ADGRL3: variants seen among roughly 807,000 people sequenced by gnomAD.
The protein encoded by ADGRL3 is adhesion G protein-coupled receptor L3.
ADGRL3 carries 62 observed loss-of-function variants against 153.5 expected under a neutral mutation model. That is an observed-to-expected ratio of 0.40 (90% confidence interval 0.33 to 0.50). The LOEUF (loss-of-function observed/expected upper bound fraction) is 0.50. Ranked by LOEUF, ADGRL3 falls within the 20% of genes least tolerant of loss-of-function variation. The pLI, the probability that ADGRL3 is intolerant of heterozygous loss-of-function variation, is 0.47. For missense variants in ADGRL3, 1,641 were observed against 1,859.4 expected, an observed-to-expected ratio of 0.88 and a Z score of 2.16; for synonymous variants, 710 against 672.5, an observed-to-expected ratio of 1.06 and a Z score of -0.86.
intron 1 of ADGRL3, among the ~76,000 whole-genome samples, chr4:61,259,626 G>A (rs1425365110): frequency 1.3e-5 from 2 of 152,018 alleles, no homozygotes; most frequent in Non-Finnish European, 2.9e-5. Flanking sequence ...TGAACAGCAC[G>A]TCCATATGCT....
intron 8 of ADGRL3, among the ~76,000 whole-genome samples, chr4:61,768,560 G>C (rs186735666): frequency 4.0e-4 from 61 of 152,174 alleles, no homozygotes; most frequent in East Asian, 1.2e-3. Flanking sequence ...TTTAGATCTT[G>C]TAGGGTGGAA....
intron 1 of ADGRL3, among the ~76,000 whole-genome samples, chr4:61,250,464 A>G (rs559872722): frequency 6.6e-6 from 1 of 152,282 alleles, no homozygotes; most frequent in South Asian, 2.1e-4. Context: ...TGCCTTTTAT[A>G]TGTAGCCTGG....
intron 4 of ADGRL3, among the ~76,000 whole-genome samples, chr4:61,536,527 C>CT (rs1411996272): frequency 6.6e-6 from 1 of 151,932 alleles, no homozygotes; most frequent in African/African-American, 2.4e-5. Flanking sequence ...TTTGCTAGGT[C>CT]TAGTAGTATT....
intron 2 of ADGRL3, among the ~76,000 whole-genome samples, chr4:61,475,899 A>G (rs2098042076): frequency 6.6e-6 from 1 of 152,192 alleles, no homozygotes; most frequent in Non-Finnish European, 1.5e-5. Context: ...TTAGTTTCAA[A>G]CATCTACAAT....
At chr4:62,056,241 A>G (rs1736911430) in intron 25 of ADGRL3, among the ~76,000 whole-genome samples, 1 of 151,766 alleles carries the variant, frequency 6.6e-6, no homozygotes, top group East Asian at 1.9e-4. Context: ...TTTCTCCATA[A>G]TGCAATCTTA....
intron 16 of ADGRL3, among the ~76,000 whole-genome samples, 156 bp downstream of exon 16, chr4:61,947,278 A>G (rs559925258): frequency 2.0e-5 from 3 of 152,282 alleles, no homozygotes; most frequent in Admixed American, 2.0e-4. Flanking sequence ...GTCAGAAATA[A>G]GATTTGGAGG....
At chr4:62,056,767 T>G (rs1373574246) in intron 25 of ADGRL3, among the ~76,000 whole-genome samples, 1 of 152,102 alleles carries the variant, frequency 6.6e-6, no homozygotes, top group African/African-American at 2.4e-5. Flanking sequence ...AAGAAATGTA[T>G]GTCAAGACAA....
At chr4:61,364,733 T>C (rs1461356233) in intron 1 of ADGRL3, among the ~76,000 whole-genome samples, 1 of 151,842 alleles carries the variant, frequency 6.6e-6, no homozygotes, top group Non-Finnish European at 1.5e-5. Flanking sequence ...TACAAACAGG[T>C]TGGAGTTAGA....
intron 23 of ADGRL3, among the ~76,000 whole-genome samples, chr4:62,036,190 A>T (rs1414230654): frequency 6.6e-6 from 1 of 152,174 alleles, no homozygotes. Context: ...GCCATACCAG[A>T]GCAGAGAAAG....
chr4:61,361,517 G>A (rs952234185), intron 1 of ADGRL3, among the ~76,000 whole-genome samples: 3 of 152,122 alleles, frequency 2.0e-5, no homozygotes, highest in Non-Finnish European at 4.4e-5. Context: ...TCTAGTCCAG[G>A]CCTTGTCAAT....
intron 9 of ADGRL3, among the ~76,000 whole-genome samples, chr4:61,859,088 A>G (rs2098312431): frequency 6.6e-6 from 1 of 152,224 alleles, no homozygotes. Flanking sequence ...ATGTGTATAT[A>G]CTATCCTGTG....
chr4:61,700,291 G>C (rs56175796), intron 6 of ADGRL3, among the ~76,000 whole-genome samples: 1 of 117,614 alleles, frequency 8.5e-6, no homozygotes, highest in Non-Finnish European at 1.8e-5. Context: ...GTTGCCCTAA[G>C]TTTCACAATA....
chr4:62,050,872 A>C (rs1733709652), intron 25 of ADGRL3, among the ~76,000 whole-genome samples: 2 of 151,882 alleles, frequency 1.3e-5, no homozygotes, highest in African/African-American at 2.4e-5. Context: ...AATGTTAGCT[A>C]TGCAAGTTAA....
intron 9 of ADGRL3, among the ~76,000 whole-genome samples, chr4:61,886,110 G>A (rs2098537273): frequency 6.6e-6 from 1 of 152,134 alleles, no homozygotes; most frequent in African/African-American, 2.4e-5. Context: ...CTGATAGTCT[G>A]TGGAGTTTCA....
chr4:61,411,882 A>T (rs1235998823), intron 2 of ADGRL3, among the ~76,000 whole-genome samples: 1 of 152,170 alleles, frequency 6.6e-6, no homozygotes, highest in Non-Finnish European at 1.5e-5. Context: ...TAAGCTATGA[A>T]ATGATAATTC....
chr4:61,978,347 AAT>A (rs1018792492), intron 17 of ADGRL3, among the ~76,000 whole-genome samples: 14 of 152,024 alleles, frequency 9.2e-5, no homozygotes, highest in Admixed American at 2.0e-4. Context: ...TTAAAAAAAA[AAT>A]ATTAGATTTT....
chr4:61,969,534 A>T (rs944101628), intron 17 of ADGRL3, among the ~76,000 whole-genome samples: 1 of 151,746 alleles, frequency 6.6e-6, no homozygotes, highest in Non-Finnish European at 1.5e-5. Flanking sequence ...CAGTATTGTC[A>T]TGTTAGCTTT....
chr4:61,646,190 A>T (rs1580061594), intron 5 of ADGRL3, among the ~76,000 whole-genome samples: 1 of 151,406 alleles, frequency 6.6e-6, no homozygotes, highest in African/African-American at 2.4e-5. Context: ...ATTCTTCTAA[A>T]TTTTTTTCAA....
At chr4:61,560,002 G>A (rs1485390923) in intron 4 of ADGRL3, among the ~76,000 whole-genome samples, 1 of 151,908 alleles carries the variant, frequency 6.6e-6, no homozygotes, top group African/African-American at 2.4e-5. Flanking sequence ...ATATTCACAT[G>A]AAAAAGTACT....
Sources: allele counts gnomAD v4.1 joint callset (sites outside exome capture counted in the v4.1 genomes callset), GRCh38; gene constraint gnomAD v4.1.1; transcripts MANE v1.5; gene names NCBI Gene and HGNC (gene_info 2026-07-23, HGNC 2026-07-21).